The following TRPM1 variants were observed in gnomAD, a reference collection of about 807,000 sequenced individuals.
TRPM1 encodes TRPM1-203 APA Isoform, Intron 10.
Under a neutral mutation model 149.4 loss-of-function variants are expected in TRPM1, and 113 were observed. That is an observed-to-expected ratio of 0.76 (90% CI 0.65 to 0.88). The LOEUF (loss-of-function observed/expected upper bound fraction) is 0.88, where lower values mean the gene tolerates loss of function less well. Ranked by LOEUF, TRPM1 falls within the 40% of genes least tolerant of loss-of-function variation. The pLI, the probability that TRPM1 is intolerant of heterozygous loss-of-function variation, is 0.00. For missense variants in TRPM1, 1,976 were observed against 2,038.7 expected, an observed-to-expected ratio of 0.97 and a Z score of 0.59; for synonymous variants, 741 against 759.5, an observed-to-expected ratio of 0.98 and a Z score of 0.40.
At chr15:31,089,547 G>C (rs559555955) in intron 1 of TRPM1, among the ~76,000 whole-genome samples, 17 of 152,194 alleles carry the variant, frequency 1.1e-4, no homozygotes, top group Non-Finnish European at 2.2e-4. Context: ...CGGTGGATGG[G>C]GGGCCGAGAC....
intron 1 of TRPM1, among the ~76,000 whole-genome samples, chr15:31,087,447 G>A (rs1209612109): frequency 6.6e-6 from 1 of 151,482 alleles, no homozygotes; most frequent in Non-Finnish European, 1.5e-5. Context: ...GTAGAGACGG[G>A]GTTTCACCAT....
At chr15:31,145,925 A>C (rs766481180) in intron 1 of TRPM1, among the ~76,000 whole-genome samples, 1 of 152,020 alleles carries the variant, frequency 6.6e-6, no homozygotes, top group South Asian at 2.1e-4. Flanking sequence ...GATACAAAAA[A>C]AAAACAAAAA....
At chr15:31,081,493 G>A in intron 1 of TRPM1, 55 bp from the exon 2 acceptor site, 1 of 1,187,502 alleles carries the variant, frequency 8.4e-7, no homozygotes, top group Non-Finnish European at 1.2e-6. Flanking sequence ...CTCTTTCTTG[G>A]GAAGCAAGAT....
intron 1 of TRPM1, among the ~76,000 whole-genome samples, chr15:31,131,242 G>A (rs760488614): frequency 6.6e-5 from 10 of 152,200 alleles, no homozygotes; most frequent in Non-Finnish European, 1.3e-4. Context: ...TTGTGTTCAG[G>A]TCAGCCTTGT....
In TRPM1 at chr15:31,067,297, G is replaced by C. The variant is rs998231561; in HGVS notation, c.494-110C>G. 8 of 1,477,108 alleles carry C rather than the reference G, an allele frequency of 5.4e-6. No homozygotes were observed. In the African/African-American group the frequency reaches 8.3e-5, roughly 15 times the overall value. 91.5% of individuals were successfully genotyped at this position (1,477,108 alleles called of 1,614,324 possible). A position where few individuals can be genotyped will look rare whatever the true frequency, so the allele number is the denominator to read the frequency against. The stretch of plus-strand genomic sequence containing the variant: ...GTCCCTACATTCCCTACAGATCAGG[G>C]GTGAGACACACTCATCTTTATCATT... On this transcript the variant is annotated intron_variant, in intron 5 of 27. Transcript: ENST00000256552.
chr15:31,063,116 A>G lies in TRPM1; in HGVS notation c.965+2T>C, dbSNP rs1389111675. The G allele has an allele frequency of 6.2e-7, 1 of 1,613,988 alleles. No individual in the cohort carries two copies. Among genetic ancestry groups the G allele is most frequent in the Non-Finnish European group, 8.5e-7 (1 of 1,180,034 alleles). Reference sequence around the variant, plus strand: ...CCCTTCCTCGCGCGTCAGAAATCCTACCCGCCTTCTTCACAGTACTTGTGC... The same window carrying G: ...CCCTTCCTCGCGCGTCAGAAATCCTGCCCGCCTTCTTCACAGTACTTGTGC... On this transcript the variant is annotated splice_donor_variant, in intron 8 of 27. Transcript: ENST00000256552. LOFTEE classifies it high-confidence loss of function.
In TRPM1 at chr15:31,026,187, T is replaced by G; in HGVS notation, c.3581A>C (p.Asp1194Ala). 1 of 1,612,458 alleles carries G rather than the reference T, an allele frequency of 6.2e-7. No homozygotes were observed. Among genetic ancestry groups the G allele is most frequent in the South Asian group, 1.1e-5 (1 of 91,088 alleles). The part of the protein sequence containing the change: ...CVQEHFREKE[D>A]EQQSSSDERI... ...CTCGTCGCTGGACGACTGCTGCTCA[T>G]CCTCCTTCTCCCGGAAGTGCTCCTG... Residue 1194 changes from aspartate to alanine, a missense_variant, in exon 27 of 28, where the codon GAT becomes GCT. Asp to Ala is a moderately radical substitution (Grantham distance 126, BLOSUM62 -2). Coordinates refer to ENST00000256552, the MANE Select transcript of TRPM1 (RefSeq NM_001252024.2).
At chr15:31,087,231 ATTTTTTTTTTTT>A (rs58872566) in intron 1 of TRPM1, among the ~76,000 whole-genome samples, 13 of 59,446 alleles carry the variant, frequency 2.2e-4, no homozygotes, top group East Asian at 1.2e-3. Flanking sequence ...CTCAATAGGG[ATTTTTTTTTTTT>A]TTTTTTTTTT....
At chr15:31,032,667 C>A in intron 22 of TRPM1, 22 bp downstream of exon 22, 1 of 1,614,088 alleles carries the variant, frequency 6.2e-7, no homozygotes, top group Non-Finnish European at 8.5e-7. Flanking sequence ...TCTCTGGATA[C>A]CCACAGGATG....
rs1444552085 is a variant in TRPM1 at position 31,002,896 on chromosome 15, C to T, written c.3804G>A (p.Arg1268=). Residue 1268 remains arginine (R), a synonymous_variant, in exon 28 of 28, where the codon CGG becomes CGA. Coordinates refer to ENST00000256552, the MANE Select transcript of TRPM1 (RefSeq NM_001252024.2). ...CCTCACATTCAGAAGAAGCCCGGGA[C>T]CGTGCCTGGATCAGGTCAGACCTGT... ...GIDRSDLIQA[R]SRASSECEAT... 1.2e-6 allele frequency: 2 copies of T among 1,613,768 alleles called. No individual in the cohort carries two copies. The highest frequency in any genetic ancestry group is 1.7e-6 in the Non-Finnish European group (2 of 1,179,800).
chr15:31,086,502 G>A (rs1044550053), intron 1 of TRPM1, among the ~76,000 whole-genome samples: 6 of 152,220 alleles, frequency 3.9e-5, no homozygotes, highest in East Asian at 1.9e-4. Flanking sequence ...ATGCTCTTTC[G>A]AGGGGTGGTG....
At chr15:31,035,055 A>T (rs2033288855) in intron 21 of TRPM1, among the ~76,000 whole-genome samples, 1 of 152,198 alleles carries the variant, frequency 6.6e-6, no homozygotes, top group South Asian at 2.1e-4. Context: ...CTCAGGCTGG[A>T]GTGCAGTGGC....
chr15:31,076,259 T>C (rs1019450051), intron 3 of TRPM1, among the ~76,000 whole-genome samples: 2 of 152,112 alleles, frequency 1.3e-5, no homozygotes, highest in Middle Eastern at 3.4e-3. Context: ...TCTTGAAGAG[T>C]GTGTACTTCT....
chr15:31,150,597 A>G (rs981698997), intron 1 of TRPM1, among the ~76,000 whole-genome samples: 3 of 151,928 alleles, frequency 2.0e-5, no homozygotes, highest in African/African-American at 7.3e-5. Context: ...CACCACGCCC[A>G]GAAAATTTTT....
intron 1 of TRPM1, among the ~76,000 whole-genome samples, chr15:31,120,263 A>G (rs10467999): frequency 0.41 from 62,539 of 151,726 alleles, 13,651 homozygotes; most frequent in East Asian, 0.72. Context: ...TAGCTATATT[A>G]ATTCCAGGTA....
intron 1 of TRPM1, among the ~76,000 whole-genome samples, chr15:31,125,196 A>AG (rs1237103258): frequency 1.3e-5 from 2 of 151,550 alleles, no homozygotes; most frequent in Middle Eastern, 3.4e-3. Flanking sequence ...AAACAAAACA[A>AG]AAAACAAAAA....
intron 7 of TRPM1, among the ~76,000 whole-genome samples, chr15:31,063,945 G>T (rs991246031): frequency 5.9e-5 from 9 of 152,044 alleles, no homozygotes; most frequent in African/African-American, 2.2e-4. Flanking sequence ...CCCCCTGGCT[G>T]TCCTAGCCTA....
chr15:31,094,134 G>A (rs2035314031), intron 1 of TRPM1, among the ~76,000 whole-genome samples: 1 of 152,186 alleles, frequency 6.6e-6, no homozygotes. Flanking sequence ...TCAACTAATA[G>A]TGCTTGGAAA....
In TRPM1 at chr15:31,035,568, A is replaced by G. The variant is rs2140918796; in HGVS notation, c.2678T>C (p.Leu893Pro). 1.2e-6 allele frequency: 2 copies of G among 1,614,208 alleles called. No homozygotes were observed. Among genetic ancestry groups the G allele is most frequent in the East Asian group, 4.5e-5 (2 of 44,884 alleles). ...CACCTCTCGTATCTTCTCTAACGCC[A>G]GGCTCACGATGTAGGAGATGACGAT... ...EWIVISYIVSLALEKIREILM... is the reference protein window; with the variant it reads ...EWIVISYIVSPALEKIREILM... The change falls in exon 21 of 28, where the codon CTG becomes CCG. Residue 893 changes from leucine (L) to proline (P), a missense_variant. Transcript: ENST00000256552.
Sources: gnomAD v4.1 joint callset for allele counts (sites outside exome capture counted in the v4.1 genomes callset) on GRCh38, gnomAD v4.1.1 for gene constraint, MANE v1.5 for transcripts, NCBI Gene and HGNC (gene_info 2026-07-23, HGNC 2026-07-21) for gene names.